FOXP1: variants seen among roughly 807,000 people sequenced by gnomAD.
The protein encoded by FOXP1 is forkhead box protein P1.
Under a neutral mutation model 98.2 loss-of-function variants are expected in FOXP1, and 15 were observed. That is an observed-to-expected ratio of 0.15 (90% CI 0.10 to 0.24). The LOEUF (loss-of-function observed/expected upper bound fraction) is 0.24. Ranked by LOEUF, FOXP1 falls within the 10% of genes least tolerant of loss-of-function variation. The pLI is 1.00. For synonymous variants in FOXP1, 371 were observed against 314.5 expected, an observed-to-expected ratio of 1.18 and a Z score of -1.90; for missense variants, 633 against 848.5, an observed-to-expected ratio of 0.75 and a Z score of 3.15.
At chr3:71,090,562 A>G (rs982308137) in intron 7 of FOXP1, among the ~76,000 whole-genome samples, 2 of 152,232 alleles carry the variant, frequency 1.3e-5, no homozygotes, top group African/African-American at 4.8e-5. Context: ...ACATCAAGAC[A>G]CAATAAAATG....
At chr3:71,159,164 CA>C (rs1239454315) in intron 6 of FOXP1, among the ~76,000 whole-genome samples, 3 of 145,156 alleles carry the variant, frequency 2.1e-5, no homozygotes, top group African/African-American at 7.6e-5. Flanking sequence ...AAAAACAACG[CA>C]TGAAAATCAG....
rs145702945 is a variant in FOXP1, at chr3:71,305,366, C to T, written c.-72-5486G>A. 3.1e-4 allele frequency among the ~76,000 whole-genome samples: 47 copies of T among 152,300 alleles called. 1 individual carries two copies. The highest frequency in any genetic ancestry group is 1.0e-3 in the African/African-American group (42 of 41,570). ...AAGATCAGATTTCCTTCCCTCCCGA[C>T]CGCCTCTCTGAGCATCATGGCCAAC... On this transcript the variant is annotated intron_variant, in intron 4 of 20. Coordinates refer to ENST00000649528, the MANE Select transcript of FOXP1 (RefSeq NM_001349338.3).
chr3:71,568,505 G>A (rs1014265827), intron 2 of FOXP1, among the ~76,000 whole-genome samples: 4 of 152,310 alleles, frequency 2.6e-5, no homozygotes, highest in African/African-American at 9.6e-5. Flanking sequence ...AAGCTCAGAA[G>A]AGCCCCACCC....
At chr3:70,972,192 G>C (rs1275651035) in intron 18 of FOXP1, 1 of 1,515,274 alleles carries the variant, frequency 6.6e-7, no homozygotes, top group East Asian at 2.5e-5. Context: ...TGGGATAGGA[G>C]CAGCAGCAAA....
chr3:71,280,047 C>T (rs1343883263), intron 5 of FOXP1, among the ~76,000 whole-genome samples: 3 of 147,784 alleles, frequency 2.0e-5, no homozygotes, highest in East Asian at 2.1e-4. Flanking sequence ...GGCGTGAACC[C>T]GGAAGTCAGA....
rs554484050 is a variant in FOXP1, at chr3:71,455,603, C to T, written c.-168+37823G>A. ...CAAAGAATTAACTAATTGCAACCTG[C>T]GAGAGAAACAAGACACATTTGCTTC... On this transcript the variant is annotated intron_variant, in intron 3 of 20. Transcript: ENST00000649528. Among the ~76,000 whole-genome samples the T allele has an allele frequency of 3.9e-5, 6 of 152,158 alleles. No homozygotes were observed. The South Asian group carries it at 6.2e-4, about 16-fold the overall frequency.
intron 11 of FOXP1, among the ~76,000 whole-genome samples, chr3:71,037,073 T>C (rs933878914): frequency 6.6e-6 from 1 of 152,192 alleles, no homozygotes; most frequent in Non-Finnish European, 1.5e-5. Flanking sequence ...TATTATTCGA[T>C]TTCCTCATCT....
chr3:71,375,701 T>C (rs2079662276), intron 3 of FOXP1, among the ~76,000 whole-genome samples: 1 of 152,188 alleles, frequency 6.6e-6, no homozygotes, highest in African/African-American at 2.4e-5. Flanking sequence ...ATTTCACATT[T>C]GGAAATAATA....
intron 6 of FOXP1, among the ~76,000 whole-genome samples, chr3:71,168,993 C>T (rs535696333): frequency 1.6e-4 from 25 of 152,210 alleles, no homozygotes; most frequent in Admixed American, 5.9e-4. Context: ...GGGAGGAGAG[C>T]GTAAAACTCA....
intron 6 of FOXP1, among the ~76,000 whole-genome samples, chr3:71,167,251 C>A (rs933845260): frequency 6.6e-6 from 1 of 152,134 alleles, no homozygotes; most frequent in Non-Finnish European, 1.5e-5. Context: ...GCGGTGATGT[C>A]CCTTTCTTTC....
At chr3:71,024,770 T>C (rs758078236) in intron 11 of FOXP1, among the ~76,000 whole-genome samples, 13 of 152,262 alleles carry the variant, frequency 8.5e-5, no homozygotes, top group Non-Finnish European at 1.8e-4. Flanking sequence ...TGTTATTATC[T>C]GCTCTCAATA....
chr3:71,578,306 G>A (rs1244402046), intron 2 of FOXP1, among the ~76,000 whole-genome samples: 1 of 152,122 alleles, frequency 6.6e-6, no homozygotes, highest in Non-Finnish European at 1.5e-5. Flanking sequence ...TTTAATGTAA[G>A]TACCTTAAAG....
chr3:71,246,240 G>T (rs886448219), intron 5 of FOXP1, among the ~76,000 whole-genome samples: 1 of 152,156 alleles, frequency 6.6e-6, no homozygotes, highest in African/African-American at 2.4e-5. Context: ...AGGGTGCTTC[G>T]GTAGCGGCCA....
chr3:71,227,356 G>A (rs758640753), intron 5 of FOXP1, among the ~76,000 whole-genome samples: 5 of 152,082 alleles, frequency 3.3e-5, no homozygotes, highest in Non-Finnish European at 4.4e-5. Context: ...CTGATATAAT[G>A]AGTCTGTAAA....
chr3:71,361,725 C>T (rs183378953), intron 3 of FOXP1, among the ~76,000 whole-genome samples: 130 of 152,304 alleles, frequency 8.5e-4, no homozygotes, highest in Non-Finnish European at 1.2e-3. Flanking sequence ...CTGCTTTCAC[C>T]GCTGCTCAGG....
rs1448342250 is a variant in FOXP1, at chr3:71,583,670, TCGCGCACACA to T, written c.-556_-547del. The T allele has an allele frequency of 3.1e-6, 3 of 983,608 alleles. No individual in the cohort carries two copies. Among genetic ancestry groups the T allele is most frequent in the Non-Finnish European group, 3.6e-6 (3 of 829,586 alleles). 60.9% of individuals were successfully genotyped at this position (983,608 alleles called of 1,614,324 possible). Reference sequence around the variant, plus strand: ...GCGCGCACCCCGCGCACACACTCACTCGCGCACACACGCGCGCACACACGCACTCCCGGGC... The same window carrying T: ...GCGCGCACCCCGCGCACACACTCACTCGCGCGCACACACGCACTCCCGGGC... On this transcript the variant is annotated 5_prime_UTR_variant, in exon 1 of 21. Transcript: ENST00000649528.
intron 6 of FOXP1, among the ~76,000 whole-genome samples, chr3:71,122,395 G>A (rs1435661272): frequency 6.6e-6 from 1 of 152,062 alleles, no homozygotes. Context: ...TCCAAAATGC[G>A]GAACTACTCA....
At position 70,982,596 on chromosome 3, in the gene FOXP1, T is replaced by G. The variant is rs187842685; in HGVS notation, c.1147-4567A>C. Among the ~76,000 whole-genome samples the G allele has an allele frequency of 1.6e-4, 24 of 152,338 alleles. No homozygotes were observed. In the East Asian group the frequency reaches 3.7e-3, roughly 23 times the overall value. On this transcript the variant is annotated intron_variant, in intron 14 of 20. Coordinates refer to ENST00000649528, the MANE Select transcript of FOXP1 (RefSeq NM_001349338.3). ...TGTCATTTAAAATTGCTGTAGGGTTTTATTTTTTAAATTTATTTGTACTCT... is the reference window on the plus strand; with the variant it reads ...TGTCATTTAAAATTGCTGTAGGGTTGTATTTTTTAAATTTATTTGTACTCT...
In FOXP1 at chr3:70,972,621, A is replaced by C. The variant is rs2036502834; in HGVS notation, c.1586T>G (p.Val529Gly). 1 of 1,613,992 alleles carries C rather than the reference A, an allele frequency of 6.2e-7. No individual in the cohort carries two copies. Among genetic ancestry groups the C allele is most frequent in the Admixed American group, 1.7e-5 (1 of 60,014 alleles). ...ATCCACTGTCCATACTGCCCCTTTA[A>C]CGTTTTCTACTCGCACAAAACACTT... ...LHKCFVRVEN[V>G]KGAVWTVDEV... The change falls in exon 18 of 21, where the codon GTT becomes GGT. Residue 529 changes from valine to glycine, a missense_variant. Val to Gly is a moderately radical substitution (Grantham distance 109). Coordinates refer to ENST00000649528, the MANE Select transcript of FOXP1 (RefSeq NM_001349338.3).
Sources: gnomAD v4.1 joint callset for allele counts (sites outside exome capture counted in the v4.1 genomes callset) on GRCh38, gnomAD v4.1.1 for gene constraint, MANE v1.5 for transcripts, NCBI Gene and HGNC (gene_info 2026-07-23, HGNC 2026-07-21) for gene names.